LARP4B: variants seen among roughly 807,000 people sequenced by gnomAD.
The protein encoded by LARP4B is La ribonucleoprotein 4B.
Under a neutral mutation model 89.8 loss-of-function variants are expected in LARP4B, and 12 were observed. That is an observed-to-expected ratio of 0.13 (90% CI 0.09 to 0.22). The LOEUF is 0.22. Among genes scored for constraint, LARP4B ranks in the 10% least tolerant of loss-of-function variants. The pLI, the probability that LARP4B is intolerant of heterozygous loss-of-function variation, is 1.00. For synonymous variants in LARP4B, 367 were observed against 363.3 expected (o/e 1.01, Z -0.12); for missense variants, 757 against 947.7 (o/e 0.80, Z 2.64).
At chr10:863,529 C>T (rs1013909155) in intron 5 of LARP4B, among the ~76,000 whole-genome samples, 1 of 152,138 alleles carries the variant, frequency 6.6e-6, no homozygotes, top group Non-Finnish European at 1.5e-5. Context: ...GCGCCCGGCC[C>T]AGGTTTCATC....
At chr10:976,955 G>C in the LARP4B span, among the ~76,000 whole-genome samples, 1 of 151,974 alleles carries the variant, frequency 6.6e-6, no homozygotes, top group Non-Finnish European at 1.5e-5. Flanking sequence ...AGGTAGGCCT[G>C]TTGTGTAATG....
At position 912,625 on chromosome 10, in the gene LARP4B, A is replaced by G. The variant is rs1470102632; in HGVS notation, c.-40+18803T>C. Among the ~76,000 whole-genome samples, 3 of 148,926 alleles carry G rather than the reference A, an allele frequency of 2.0e-5. No individual in the cohort carries two copies. In the East Asian group the frequency reaches 5.9e-4, roughly 29 times the overall value. On this transcript the variant is annotated intron_variant, in intron 1 of 17. Coordinates refer to ENST00000316157, the MANE Select transcript of LARP4B (RefSeq NM_015155.3). ...ATTGGCTCACACCTGTAATCTCAGC[A>G]CTTTGGGAGGCTGAGGCGGGCAGAT...
In LARP4B at chr10:814,731, G is replaced by C. The variant is rs1293979690; in HGVS notation, c.1929+11C>G. On this transcript the variant is annotated intron_variant, in intron 17 of 17. Transcript: ENST00000316157. The surrounding 1 kb of genome is among the most constrained non-coding windows in gnomAD (Gnocchi z 4.4). The stretch of plus-strand genomic sequence containing the variant: ...GGCTGTCGTGCAGGAAGGCAGGCAC[G>C]AGGTACGTACCGTGGCGGCTCCGTT... The C allele has an allele frequency of 6.3e-7, 1 of 1,581,598 alleles. No homozygotes were observed. Among genetic ancestry groups the C allele is most frequent in the Non-Finnish European group, 8.6e-7 (1 of 1,163,248 alleles).
intron 13 of LARP4B, among the ~76,000 whole-genome samples, chr10:823,519 C>T (rs1229352961): frequency 6.6e-6 from 1 of 152,028 alleles, no homozygotes; most frequent in Non-Finnish European, 1.5e-5. Context: ...ACAAGCCCCA[C>T]TTTCATTTGC....
At chr10:960,992 GC>G in the LARP4B span, among the ~76,000 whole-genome samples, 198 of 152,304 alleles carry the variant, frequency 1.3e-3, 1 homozygote, top group African/African-American at 4.6e-3. Flanking sequence ...ACACAGAGGA[GC>G]ACAGCAGGAG....
intron 1 of LARP4B, chr10:903,557 A>G (rs1190477549): frequency 6.6e-6 from 1 of 152,240 alleles, no homozygotes; most frequent in African/African-American, 2.4e-5. Context: ...GGACAAACGT[A>G]GTAGCATGGG....
chr10:845,155 A>G (rs1468676409), intron 5 of LARP4B, 100 bp from the exon 6 acceptor site: 1 of 774,158 alleles, frequency 1.3e-6, no homozygotes, highest in Non-Finnish European at 2.1e-6. Flanking sequence ...ACGTTCTGAC[A>G]CAACTACGTA....
the LARP4B span, among the ~76,000 whole-genome samples, chr10:982,009 G>A: frequency 2.0e-5 from 3 of 151,886 alleles, no homozygotes; most frequent in South Asian, 6.2e-4. Flanking sequence ...GGGTAAACAT[G>A]CTTTTAGCAT....
At chr10:852,828 A>G (rs575807601) in intron 5 of LARP4B, among the ~76,000 whole-genome samples, 3 of 152,354 alleles carry the variant, frequency 2.0e-5, no homozygotes, top group East Asian at 1.9e-4. Flanking sequence ...ATATACTAGT[A>G]ACAAACAACT....
the LARP4B span, among the ~76,000 whole-genome samples, chr10:976,220 G>A: frequency 6.9e-6 from 1 of 145,732 alleles, no homozygotes; most frequent in Non-Finnish European, 1.5e-5. Context: ...TTAGTAGAAT[G>A]TAGGCCTATC....
At chr10:864,920 C>A (rs1265587359) in intron 3 of LARP4B, among the ~76,000 whole-genome samples, 1 of 151,984 alleles carries the variant, frequency 6.6e-6, no homozygotes, top group Non-Finnish European at 1.5e-5. Flanking sequence ...ACCACTGCAC[C>A]CAACCTGGGG....
At chr10:975,971 G>A in the LARP4B span, among the ~76,000 whole-genome samples, 2 of 148,132 alleles carry the variant, frequency 1.4e-5, no homozygotes, top group Admixed American at 1.3e-4. Flanking sequence ...ACCCGGCCTA[G>A]TAGAAGGTAG....
At chr10:909,682 G>C (rs1836614743) in intron 1 of LARP4B, among the ~76,000 whole-genome samples, 1 of 152,030 alleles carries the variant, frequency 6.6e-6, no homozygotes, top group African/African-American at 2.4e-5. Flanking sequence ...CTACTCGGGA[G>C]GCTGAGGCTG....
chr10:968,049 C>G, the LARP4B span, among the ~76,000 whole-genome samples: 2 of 152,076 alleles, frequency 1.3e-5, no homozygotes, highest in Non-Finnish European at 2.9e-5. Flanking sequence ...TGTGTTATCC[C>G]CTCATATGTG....
At chr10:956,385 C>G in the LARP4B span, among the ~76,000 whole-genome samples, 1 of 151,696 alleles carries the variant, frequency 6.6e-6, no homozygotes, top group African/African-American at 2.4e-5. This position sits in a 1 kb window ranked among gnomAD's most constrained non-coding sequence, Gnocchi z 4.3. Flanking sequence ...TCACTGTGTC[C>G]CCCAGGCTGG....
At chr10:886,320 C>T (rs1835855832) in intron 1 of LARP4B, among the ~76,000 whole-genome samples, 2 of 152,166 alleles carry the variant, frequency 1.3e-5, no homozygotes, top group Non-Finnish European at 2.9e-5. Context: ...CAAGAGATAA[C>T]AGGGCGTGGA....
At chr10:852,831 AAAC>A (rs1294937503) in intron 5 of LARP4B, among the ~76,000 whole-genome samples, 1 of 152,242 alleles carries the variant, frequency 6.6e-6, no homozygotes, top group Non-Finnish European at 1.5e-5. Flanking sequence ...TACTAGTAAC[AAAC>A]AACTGCAAAT....
intron 1 of LARP4B, among the ~76,000 whole-genome samples, chr10:892,240 C>T (rs755263198): frequency 7.6e-4 from 116 of 152,340 alleles, no homozygotes; most frequent in Non-Finnish European, 1.5e-3. Flanking sequence ...GAGGATAAGT[C>T]CAAGTGTTCT....
the LARP4B span, among the ~76,000 whole-genome samples, chr10:941,141 C>T: frequency 6.6e-6 from 1 of 152,144 alleles, no homozygotes; most frequent in Non-Finnish European, 1.5e-5. Context: ...CGGACATTTG[C>T]CAGTGTCCAC....
Sources: allele counts gnomAD v4.1 joint callset (sites outside exome capture counted in the v4.1 genomes callset), GRCh38; gene constraint gnomAD v4.1.1; non-coding constraint Gnocchi (gnomAD v3.1); transcripts MANE v1.5; gene names NCBI Gene and HGNC (gene_info 2026-07-23, HGNC 2026-07-21).